Variants in POT1 observed in about 807,000 individuals in gnomAD.
POT1 encodes the protein protection of telomeres protein 1.
A neutral mutation model predicts 78.5 loss-of-function variants in POT1; 47 were observed. The ratio of observed to expected loss-of-function variants is 0.60; its 90% confidence interval spans 0.47 to 0.76. The LOEUF (loss-of-function observed/expected upper bound fraction) is 0.76, where lower values mean the gene tolerates loss of function less well. Among genes scored for constraint, POT1 ranks in the 30% least tolerant of loss-of-function variants. The pLI, the probability that POT1 is intolerant of heterozygous loss-of-function variation, is 0.00. For synonymous variants in POT1, 259 were observed against 260.7 expected, an observed-to-expected ratio of 0.99 and a Z score of 0.06; for missense variants, 646 against 749.9, an observed-to-expected ratio of 0.86 and a Z score of 1.62.
At chr7:124,904,005 G>A (rs1320877769) in intron 3 of POT1, among the ~76,000 whole-genome samples, 1 of 152,118 alleles carries the variant, frequency 6.6e-6, no homozygotes, top group Non-Finnish European at 1.5e-5. Context: ...AACAGGTACT[G>A]AAATTAAGGC....
At chr7:124,917,326 T>C (rs1797037334) in intron 2 of POT1, among the ~76,000 whole-genome samples, 1 of 152,124 alleles carries the variant, frequency 6.6e-6, no homozygotes, top group Non-Finnish European at 1.5e-5. Flanking sequence ...AAACTAAGGA[T>C]GGGGAAGACA....
intron 3 of POT1, chr7:124,900,865 C>CA (rs886293679): frequency 2.7e-6 from 1 of 371,284 alleles, no homozygotes; most frequent in African/African-American, 2.1e-5. Context: ...ATGCCTGGCT[C>CA]ATCAGGTCCC....
chr7:124,915,074 A>T lies in POT1; in HGVS notation c.-154+500T>A, dbSNP rs547485645. On this transcript the variant is annotated intron_variant, in intron 3 of 18. Coordinates refer to ENST00000357628, the MANE Select transcript of POT1 (RefSeq NM_015450.3). ...TCCCCTAAAATGTAAATTCAATAAG[A>T]CAAGAACTAAGTTTTGTTCACAGCT... Among the ~76,000 whole-genome samples the T allele has an allele frequency of 5.9e-5, 9 of 152,302 alleles. No homozygotes were observed. The South Asian group carries it at 1.9e-3, about 32-fold the overall frequency.
Position 124,842,869 on chromosome 7 carries a change from C to T in POT1, c.1101G>A (p.Arg367=). The change falls in exon 13 of 19, where the codon AGG becomes AGA. Residue 367 remains arginine (R), a synonymous_variant. Transcript: ENST00000357628. The part of the protein sequence containing the change: ...PQQYRIRAKL[R]SYKPRRLFQS... The stretch of plus-strand genomic sequence containing the variant: ...GAAATAGTCTTCTGGGCTTATATGA[C>T]CTCAATTTTGCTCGGATGCGGTATT... The T allele has an allele frequency of 1.2e-6, 2 of 1,610,884 alleles. No homozygotes were observed. The highest frequency in any genetic ancestry group is 1.7e-6 in the Non-Finnish European group (2 of 1,179,028).
At chr7:124,869,773 G>A (rs866838866) in intron 7 of POT1, among the ~76,000 whole-genome samples, 6 of 152,002 alleles carry the variant, frequency 3.9e-5, no homozygotes, top group African/African-American at 1.2e-4. Flanking sequence ...TAGAGACAGG[G>A]TTTCTCCATG....
At chr7:124,835,149 G>A (rs897597084) in intron 15 of POT1, 130 bp downstream of exon 15, 21 of 1,073,326 alleles carry the variant, frequency 2.0e-5, no homozygotes, top group Admixed American at 1.8e-4. Context: ...TGCAGGTGAC[G>A]GGTTGATGGG....
intron 5 of POT1, among the ~76,000 whole-genome samples, chr7:124,893,196 T>C (rs1220889581): frequency 6.6e-6 from 1 of 151,398 alleles, no homozygotes; most frequent in Non-Finnish European, 1.5e-5. Context: ...AAATGCAATT[T>C]AAGAGATTTT....
intron 3 of POT1, among the ~76,000 whole-genome samples, chr7:124,898,858 T>A (rs916561338): frequency 1.3e-5 from 2 of 152,192 alleles, no homozygotes; most frequent in Admixed American, 1.3e-4. Flanking sequence ...AGATATTTTC[T>A]TTCTACTTAG....
chr7:124,856,581 T>G (rs1159320227), intron 9 of POT1, among the ~76,000 whole-genome samples: 1 of 152,126 alleles, frequency 6.6e-6, no homozygotes, highest in Non-Finnish European at 1.5e-5. Flanking sequence ...TATTACTTAC[T>G]TCATCCTCAC....
chr7:124,889,198 T>C (rs1796312210), intron 6 of POT1, among the ~76,000 whole-genome samples: 1 of 152,038 alleles, frequency 6.6e-6, no homozygotes, highest in Non-Finnish European at 1.5e-5. Flanking sequence ...GCCTTATGGC[T>C]GATACACAGA....
rs1419463013 is a variant in POT1 at position 124,859,132 on chromosome 7, T to C, written c.547-20A>G. ...CCATACCTGCCATAAGAGAGTAGAG[T>C]AGTTTTATGATCCTTTTGAAAAAAT... On this transcript the variant is annotated intron_variant, in intron 8 of 18. Transcript: ENST00000357628. 6.7e-7 allele frequency: 1 copy of C among 1,494,600 alleles called. No homozygotes were observed. 92.6% of individuals were successfully genotyped at this position (1,494,600 alleles called of 1,614,324 possible).
intron 3 of POT1, among the ~76,000 whole-genome samples, chr7:124,907,425 T>C (rs1796791607): frequency 6.6e-6 from 1 of 152,032 alleles, no homozygotes; most frequent in Admixed American, 6.6e-5. Flanking sequence ...AACAATTAAC[T>C]TAACTGCTTC....
At position 124,877,840 on chromosome 7, in the gene POT1, C is replaced by CAAAAAAAAAAAAAAAAAAAAA. The variant is rs201285982; in HGVS notation, c.125-6820_125-6800dup. 2.5e-4 allele frequency among the ~76,000 whole-genome samples: 20 copies of CAAAAAAAAAAAAAAAAAAAAA among 80,576 alleles called. 2 individuals carry two copies. The highest frequency in any genetic ancestry group is 5.7e-4 in the East Asian group (1 of 1,748). The allele number at this position is 80,576 out of a possible 152,430, so 52.9% of individuals were successfully genotyped here. The stretch of plus-strand genomic sequence containing the variant: ...TGGGCGACAGAGAGAGATTCTGTCT[C>CAAAAAAAAAAAAAAAAAAAAA]AAAAAAAAAAAAAAAAAAAAAAAAA... On this transcript the variant is annotated intron_variant, in intron 6 of 18. Transcript: ENST00000357628.
chr7:124,830,855 C>T (rs1794742594), intron 15 of POT1, among the ~76,000 whole-genome samples: 1 of 151,962 alleles, frequency 6.6e-6, no homozygotes, highest in Non-Finnish European at 1.5e-5. Flanking sequence ...GTTAAAAAGG[C>T]ATGGAATACA....
At chr7:124,832,928 T>C (rs1794804150) in intron 15 of POT1, among the ~76,000 whole-genome samples, 1 of 151,950 alleles carries the variant, frequency 6.6e-6, no homozygotes, top group Non-Finnish European at 1.5e-5. Flanking sequence ...TTTCCTTTCC[T>C]GGTTTAGACG....
At chr7:124,895,754 G>C (rs1233679455) in intron 5 of POT1, among the ~76,000 whole-genome samples, 1 of 151,626 alleles carries the variant, frequency 6.6e-6, no homozygotes, top group Non-Finnish European at 1.5e-5. Context: ...TTGGGAATGA[G>C]ATAAGCAACA....
intron 14 of POT1, among the ~76,000 whole-genome samples, chr7:124,836,212 G>T (rs1167857495): frequency 6.6e-6 from 1 of 152,064 alleles, no homozygotes; most frequent in Non-Finnish European, 1.5e-5. Context: ...ACCTTTTTTA[G>T]AATTCTGGAA....
At chr7:124,857,572 G>A (rs1795476656) in intron 9 of POT1, among the ~76,000 whole-genome samples, 1 of 152,204 alleles carries the variant, frequency 6.6e-6, no homozygotes, top group Non-Finnish European at 1.5e-5. Flanking sequence ...CACTATGGCT[G>A]GATGTCAGAG....
At chr7:124,879,711 T>C (rs1049248989) in intron 6 of POT1, among the ~76,000 whole-genome samples, 19 of 152,144 alleles carry the variant, frequency 1.2e-4, no homozygotes, top group African/African-American at 4.1e-4. Flanking sequence ...GATAATGTAG[T>C]GTTTTCTGAG....
Sources: gnomAD v4.1 joint callset for allele counts (sites outside exome capture counted in the v4.1 genomes callset) on GRCh38, gnomAD v4.1.1 for gene constraint, MANE v1.5 for transcripts, NCBI Gene and HGNC (gene_info 2026-07-23, HGNC 2026-07-21) for gene names.